Variants in CCDC148 observed in about 807,000 individuals in gnomAD.
CCDC148 encodes coiled-coil domain containing 148.
A neutral mutation model predicts 85.7 loss-of-function variants in CCDC148; 89 were observed. The observed-to-expected ratio is 1.04, with a 90% CI of 0.87 to 1.24. The LOEUF is 1.24. CCDC148 is among the 50% of genes most tolerant of loss of function. CCDC148 has a pLI of 0.00. For synonymous variants in CCDC148, 230 were observed against 213.9 expected (o/e 1.08, Z -0.66); for missense variants, 692 against 671.7 (o/e 1.03, Z -0.33).
chr2:158,372,887 T>C (rs1684506012), intron 1 of CCDC148, among the ~76,000 whole-genome samples: 1 of 152,048 alleles, frequency 6.6e-6, no homozygotes, highest in African/African-American at 2.4e-5. Flanking sequence ...CCCAAACCAT[T>C]TGCAGATCCC....
At chr2:158,406,624 T>TGTTTTTTGTTTTTGTTTTTG (rs1423803250) in intron 1 of CCDC148, among the ~76,000 whole-genome samples, 1 of 24,832 alleles carries the variant, frequency 4.0e-5, no homozygotes. Context: ...TTTTTTTTTT[T>TGTTTTTTGTTTTTGTTTTTG]TTTTTTTTTT....
chr2:158,237,151 A>G (rs545678943), intron 10 of CCDC148, among the ~76,000 whole-genome samples: 110 of 152,262 alleles, frequency 7.2e-4, no homozygotes, highest in African/African-American at 2.6e-3. Context: ...TGGAGTAGGA[A>G]GTAGGTTGCT....
intron 1 of CCDC148, among the ~76,000 whole-genome samples, chr2:158,415,772 G>C (rs1184221150): frequency 6.6e-6 from 1 of 152,170 alleles, no homozygotes; most frequent in Non-Finnish European, 1.5e-5. Context: ...AAATCTTAAA[G>C]CTCTAAAATA....
chr2:158,391,664 C>T (rs1228050952), intron 1 of CCDC148, among the ~76,000 whole-genome samples: 1 of 152,036 alleles, frequency 6.6e-6, no homozygotes, highest in Non-Finnish European at 1.5e-5. Context: ...CAATTGAGGC[C>T]TAAGGTGAAA....
At chr2:158,247,891 T>C (rs66929412) in intron 10 of CCDC148, among the ~76,000 whole-genome samples, 12,204 of 152,188 alleles carry the variant, frequency 0.08, 605 homozygotes, top group Middle Eastern at 0.13. Flanking sequence ...TGTGTATTAC[T>C]AACACAGGTA....
At chr2:158,318,778 T>A (rs1375158762) in intron 7 of CCDC148, among the ~76,000 whole-genome samples, 1 of 151,492 alleles carries the variant, frequency 6.6e-6, no homozygotes, top group Non-Finnish European at 1.5e-5. Flanking sequence ...CTTTTACTGT[T>A]TTTTTTTTGG....
chr2:158,278,909 C>T (rs975999480), intron 9 of CCDC148, among the ~76,000 whole-genome samples: 4 of 152,262 alleles, frequency 2.6e-5, no homozygotes, highest in Middle Eastern at 3.4e-3. Context: ...CTCACACAGC[C>T]GGGTACTCCT....
intron 12 of CCDC148, among the ~76,000 whole-genome samples, chr2:158,177,645 C>T (rs1256385480): frequency 6.6e-6 from 1 of 152,084 alleles, no homozygotes; most frequent in Non-Finnish European, 1.5e-5. Context: ...CCCAGAAGGC[C>T]ATGATATATA....
At chr2:158,439,341 C>A (rs1687827046) in intron 1 of CCDC148, among the ~76,000 whole-genome samples, 1 of 152,024 alleles carries the variant, frequency 6.6e-6, no homozygotes, top group African/African-American at 2.4e-5. Context: ...ATGGATGAAG[C>A]TGGAAACCAT....
At chr2:158,428,023 C>G (rs1273872332) in intron 1 of CCDC148, among the ~76,000 whole-genome samples, 2 of 152,092 alleles carry the variant, frequency 1.3e-5, no homozygotes, top group East Asian at 3.9e-4. Flanking sequence ...GGATTAGAGT[C>G]TTTATCCTAA....
chr2:158,439,314 A>G (rs1321935686), intron 1 of CCDC148, among the ~76,000 whole-genome samples: 2 of 152,054 alleles, frequency 1.3e-5, no homozygotes, highest in African/African-American at 4.8e-5. Context: ...GGATGAGTTC[A>G]TGTCCTTTGT....
intron 7 of CCDC148, among the ~76,000 whole-genome samples, chr2:158,337,125 G>A (rs1682428140): frequency 6.6e-6 from 1 of 152,116 alleles, no homozygotes; most frequent in African/African-American, 2.4e-5. Flanking sequence ...AAAGAAAGAA[G>A]GAAAATGGGC....
chr2:158,342,021 C>CTTT lies in CCDC148; in HGVS notation c.252-1344_252-1342dup, dbSNP rs71404402. On this transcript the variant is annotated intron_variant, in intron 3 of 13. Transcript: ENST00000283233. ...CATTTTATGTACGTGTCATTATTTT[C>CTTT]TTTTCTTTTTTTTTTTTTTTTTTTT... 2.1e-3 allele frequency among the ~76,000 whole-genome samples: 182 copies of CTTT among 85,618 alleles called. 16 individuals carry two copies. Among genetic ancestry groups the CTTT allele is most frequent in the East Asian group, 4.9e-3 (13 of 2,630 alleles). The allele number at this position is 85,618 out of a possible 152,430, so 56.2% of individuals were successfully genotyped here. A position where few individuals can be genotyped will look rare whatever the true frequency, so the allele number is the denominator to read the frequency against.
At chr2:158,398,528 C>G (rs1482369926) in intron 1 of CCDC148, among the ~76,000 whole-genome samples, 1 of 152,160 alleles carries the variant, frequency 6.6e-6, no homozygotes, top group Non-Finnish European at 1.5e-5. Flanking sequence ...TGAATGACTA[C>G]TGGGTAAATA....
chr2:158,323,667 G>A (rs903850297), intron 7 of CCDC148, among the ~76,000 whole-genome samples: 1 of 152,092 alleles, frequency 6.6e-6, no homozygotes, highest in Non-Finnish European at 1.5e-5. Flanking sequence ...TACCATGTCA[G>A]AGACTTTGGG....
At chr2:158,178,284 T>G (rs182771398) in intron 12 of CCDC148, among the ~76,000 whole-genome samples, 2 of 152,130 alleles carry the variant, frequency 1.3e-5, no homozygotes, top group East Asian at 3.9e-4. Context: ...AACAACCCCT[T>G]CAAGTTCAAA....
chr2:158,449,533 C>G (rs1688307197), intron 1 of CCDC148, among the ~76,000 whole-genome samples: 1 of 151,990 alleles, frequency 6.6e-6, no homozygotes, highest in African/African-American at 2.4e-5. Flanking sequence ...CTGCAGCCCC[C>G]ACCTCCTGGG....
chr2:158,178,832 A>ATTT (rs3836162), intron 12 of CCDC148, 47 bp downstream of exon 12: 65 of 1,281,076 alleles, frequency 5.1e-5, no homozygotes, highest in South Asian at 8.6e-5. Flanking sequence ...ACTTAGAAAC[A>ATTT]TTTTTTTTAA....
chr2:158,433,091 A>AAAAAAAAAAAAAAATAT lies in CCDC148; in HGVS notation c.25+23323_25+23324insATATTTTTTTTTTTTTT, dbSNP rs1553521585. 2.5e-4 allele frequency among the ~76,000 whole-genome samples: 13 copies of AAAAAAAAAAAAAAATAT among 51,338 alleles called. 1 individual carries two copies. Among genetic ancestry groups the AAAAAAAAAAAAAAATAT allele is most frequent in the African/African-American group, 7.1e-4 (13 of 18,216 alleles). The allele number at this position is 51,338 out of a possible 152,430, so 33.7% of individuals were successfully genotyped here. ...CATCTCTACAAAAAAAAAAAAAAAA[A>AAAAAAAAAAAAAAATAT]ATATATATATATATATATATGACTT... On this transcript the variant is annotated intron_variant, in intron 1 of 13. Transcript: ENST00000283233.
Sources: allele counts gnomAD v4.1 joint callset (sites outside exome capture counted in the v4.1 genomes callset), GRCh38; gene constraint gnomAD v4.1.1; transcripts MANE v1.5; gene names NCBI Gene and HGNC (gene_info 2026-07-23, HGNC 2026-07-21).